The following ATP9B variants were observed in gnomAD, a reference collection of about 807,000 sequenced individuals.
ATP9B encodes ATPase phospholipid transporting 9B, also known as probable phospholipid-transporting ATPase IIB.
In ATP9B, 110 loss-of-function variants were observed where a neutral mutation model predicts 146.1. The observed-to-expected ratio is 0.75, with a 90% CI of 0.65 to 0.88. The LOEUF is 0.88. ATP9B is among the 40% of genes least tolerant of loss of function. The pLI, the probability that ATP9B is intolerant of heterozygous loss-of-function variation, is 0.00. For synonymous variants in ATP9B, 604 were observed against 569.7 expected, an observed-to-expected ratio of 1.06 and a Z score of -0.86; for missense variants, 1,499 against 1,496.4, an observed-to-expected ratio of 1.00 and a Z score of -0.03.
At chr18:79,130,824 C>G (rs996633548) in intron 5 of ATP9B, among the ~76,000 whole-genome samples, 2 of 152,096 alleles carry the variant, frequency 1.3e-5, no homozygotes, top group Non-Finnish European at 2.9e-5. Flanking sequence ...GAAAAAAAAC[C>G]TGTCAGTTAA....
intron 1 of ATP9B, among the ~76,000 whole-genome samples, chr18:79,073,082 G>T (rs914528508): frequency 6.7e-6 from 1 of 148,724 alleles, no homozygotes; most frequent in Non-Finnish European, 1.5e-5. Flanking sequence ...GCCGCCAGGC[G>T]GAGACGCTCC....
At chr18:79,165,129 A>G (rs1001346227) in intron 7 of ATP9B, among the ~76,000 whole-genome samples, 7 of 152,356 alleles carry the variant, frequency 4.6e-5, no homozygotes, top group South Asian at 2.1e-4. Context: ...ATTTTACAAC[A>G]TAACTCCAGG....
chr18:79,193,264 G>A lies in ATP9B; in HGVS notation c.954+1G>A, dbSNP rs148489136. The A allele has an allele frequency of 1.0e-5, 16 of 1,600,668 alleles. No homozygotes were observed. The Admixed American group carries it at 1.2e-4, about 12-fold the overall frequency. On this transcript the variant is annotated splice_donor_variant, in intron 9 of 29. Coordinates refer to ENST00000426216, the MANE Select transcript of ATP9B (RefSeq NM_198531.5). LOFTEE classifies it high-confidence loss of function. ...CAGTTTCGAAGGCACATTTACCAGG[G>A]TAAGTTAAACCTGTTGTTCAATACA...
At chr18:79,156,932 C>T (rs1227071137) in intron 7 of ATP9B, among the ~76,000 whole-genome samples, 4 of 152,128 alleles carry the variant, frequency 2.6e-5, no homozygotes, top group Non-Finnish European at 5.9e-5. Flanking sequence ...CTCCAGTCCC[C>T]GGAAAGGCTC....
intron 9 of ATP9B, among the ~76,000 whole-genome samples, chr18:79,196,238 C>T (rs183607660): frequency 2.8e-4 from 43 of 152,308 alleles, no homozygotes; most frequent in Admixed American, 1.6e-3. Flanking sequence ...GGAGAGCAGT[C>T]TCAAGCATAC....
chr18:79,196,327 C>G (rs1162852245), intron 9 of ATP9B, among the ~76,000 whole-genome samples: 1 of 152,146 alleles, frequency 6.6e-6, no homozygotes, highest in African/African-American at 2.4e-5. Flanking sequence ...TGATAGATGA[C>G]CTGGGTGGAA....
At chr18:79,348,274 A>C (rs1419184506) in intron 25 of ATP9B, 78 bp downstream of exon 25, 3 of 1,229,386 alleles carry the variant, frequency 2.4e-6, no homozygotes, top group East Asian at 4.7e-5. Flanking sequence ...AAAAAACAAA[A>C]AACGTATATA....
intron 9 of ATP9B, among the ~76,000 whole-genome samples, chr18:79,199,327 A>G (rs1188889897): frequency 6.6e-6 from 1 of 152,250 alleles, no homozygotes; most frequent in Non-Finnish European, 1.5e-5. Flanking sequence ...AATTTTTAAA[A>G]AATCTTTTTA....
Position 79,094,497 on chromosome 18 carries a change from C to T in ATP9B, c.120-1979C>T, listed in dbSNP as rs745869352. On this transcript the variant is annotated intron_variant, in intron 1 of 29. Coordinates refer to ENST00000426216, the MANE Select transcript of ATP9B (RefSeq NM_198531.5). ...TGTGAAAAGAGAGAACTACCAGGGA[C>T]GTCCACATCCTGTTTGGACTCCAGG... Among the ~76,000 whole-genome samples, 4 of 152,176 alleles carry T rather than the reference C, an allele frequency of 2.6e-5. No homozygotes were observed. The East Asian group carries it at 5.8e-4, about 22-fold the overall frequency.
At chr18:79,166,313 G>A (rs899786299) in intron 7 of ATP9B, among the ~76,000 whole-genome samples, 1 of 152,166 alleles carries the variant, frequency 6.6e-6, no homozygotes, top group Non-Finnish European at 1.5e-5. Flanking sequence ...GCATGTGCTA[G>A]GCGCTCTCAG....
At chr18:79,124,271 G>A (rs1171399672) in intron 4 of ATP9B, among the ~76,000 whole-genome samples, 1 of 152,188 alleles carries the variant, frequency 6.6e-6, no homozygotes, top group African/African-American at 2.4e-5. Flanking sequence ...GGTGACGGTT[G>A]TACAACTCTG....
intron 7 of ATP9B, among the ~76,000 whole-genome samples, chr18:79,161,472 A>C (rs1021943416): frequency 6.6e-6 from 1 of 152,152 alleles, no homozygotes. Context: ...GTTTGTTTTA[A>C]TCTATGCTTC....
intron 17 of ATP9B, 90 bp downstream of exon 17, chr18:79,330,194 G>C: frequency 1.7e-6 from 2 of 1,158,946 alleles, no homozygotes; most frequent in South Asian, 1.3e-5. Flanking sequence ...GTGTTTCTAT[G>C]AACTTTATTG....
intron 13 of ATP9B, among the ~76,000 whole-genome samples, chr18:79,281,947 G>A (rs147848995): frequency 4.6e-5 from 7 of 152,222 alleles, no homozygotes; most frequent in South Asian, 4.1e-4. Context: ...AAGAACATAC[G>A]TGGTACCTGG....
chr18:79,231,799 T>C (rs199701276), intron 11 of ATP9B, among the ~76,000 whole-genome samples: 22 of 98,052 alleles, frequency 2.2e-4, no homozygotes, highest in African/African-American at 5.8e-4. Context: ...TATATATATA[T>C]ATATACACAC....
At chr18:79,087,932 G>A (rs951519106) in intron 1 of ATP9B, among the ~76,000 whole-genome samples, 1 of 152,044 alleles carries the variant, frequency 6.6e-6, no homozygotes, top group Non-Finnish European at 1.5e-5. Flanking sequence ...TTAATTGCTG[G>A]AAACGTTGAT....
At chr18:79,098,116 CTGAGA>C (rs1031168567) in intron 2 of ATP9B, among the ~76,000 whole-genome samples, 10 of 151,444 alleles carry the variant, frequency 6.6e-5, no homozygotes, top group African/African-American at 2.4e-4. Context: ...TTTGACAAAC[CTGAGA>C]AAAACAAGCA....
At chr18:79,238,087 T>C (rs1164349359) in intron 11 of ATP9B, among the ~76,000 whole-genome samples, 17 of 152,220 alleles carry the variant, frequency 1.1e-4, no homozygotes, top group Non-Finnish European at 1.5e-4. Flanking sequence ...TGGTGATGTA[T>C]TTTTATTTTT....
At chr18:79,294,679 T>G (rs911878232) in intron 13 of ATP9B, among the ~76,000 whole-genome samples, 2 of 152,244 alleles carry the variant, frequency 1.3e-5, no homozygotes, top group Non-Finnish European at 2.9e-5. Flanking sequence ...GAACCCTGAC[T>G]TCTGTTTAAC....
Sources: gnomAD v4.1 joint callset for allele counts (sites outside exome capture counted in the v4.1 genomes callset) on GRCh38, gnomAD v4.1.1 for gene constraint, MANE v1.5 for transcripts, NCBI Gene and HGNC (gene_info 2026-07-23, HGNC 2026-07-21) for gene names.